The following SLC39A11 variants were observed in gnomAD, a reference collection of about 807,000 sequenced individuals.
The protein encoded by SLC39A11 is solute carrier family 39 member 11.
SLC39A11 carries 33 observed loss-of-function variants against 36.1 expected under a neutral mutation model. The observed-to-expected ratio is 0.91, with a 90% confidence interval of 0.69 to 1.22. The LOEUF is 1.22. SLC39A11 is among the 50% of genes most tolerant of loss of function. The pLI is 0.00. For synonymous variants in SLC39A11, 166 were observed against 170.3 expected, an observed-to-expected ratio of 0.97 and a Z score of 0.20; for missense variants, 432 against 430.3, an observed-to-expected ratio of 1.00 and a Z score of -0.03.
At chr17:72,681,866 G>A (rs559039202) in intron 7 of SLC39A11, among the ~76,000 whole-genome samples, 2 of 152,174 alleles carry the variant, frequency 1.3e-5, no homozygotes, top group South Asian at 4.2e-4. Context: ...TTTATTGTAA[G>A]AATACAGTAT....
chr17:72,949,452 C>T (rs1452683766), intron 4 of SLC39A11, among the ~76,000 whole-genome samples: 1 of 151,940 alleles, frequency 6.6e-6, no homozygotes, highest in Non-Finnish European at 1.5e-5. Flanking sequence ...TGGGCCACTG[C>T]ACCCGGCCAG....
chr17:72,949,796 T>G (rs999973685), intron 4 of SLC39A11, among the ~76,000 whole-genome samples: 1 of 152,036 alleles, frequency 6.6e-6, no homozygotes, highest in African/African-American at 2.4e-5. Flanking sequence ...AACACAAGTT[T>G]TCATTTAAAA....
chr17:73,056,193 G>A (rs966561101), intron 3 of SLC39A11, among the ~76,000 whole-genome samples: 6 of 151,666 alleles, frequency 4.0e-5, no homozygotes, highest in African/African-American at 1.5e-4. Flanking sequence ...TTTTGAGACG[G>A]AGTCTCGCTC....
intron 5 of SLC39A11, among the ~76,000 whole-genome samples, chr17:72,860,062 G>A (rs1324793316): frequency 6.7e-6 from 1 of 148,380 alleles, no homozygotes. Context: ...AGAAAGAAAA[G>A]AAAGAGAACA....
At chr17:73,051,440 A>T (rs1418129932) in intron 3 of SLC39A11, among the ~76,000 whole-genome samples, 1 of 152,080 alleles carries the variant, frequency 6.6e-6, no homozygotes, top group East Asian at 1.9e-4. Context: ...GCAGACAGGA[A>T]TCCAGATGAC....
At chr17:72,754,051 TACACACACACACAC>T (rs58802713) in intron 6 of SLC39A11, among the ~76,000 whole-genome samples, 32 of 108,070 alleles carry the variant, frequency 3.0e-4, no homozygotes, top group East Asian at 8.5e-4. Context: ...TATATACACA[TACACACACACACAC>T]ACACACACAC....
rs1209526328 is a variant in SLC39A11 at position 72,852,572 on chromosome 17, C to CGT, written c.431-2770_431-2769dup. 3.9e-5 allele frequency among the ~76,000 whole-genome samples: 6 copies of CGT among 152,190 alleles called. No homozygotes were observed. In the South Asian group the frequency reaches 8.3e-4, roughly 21 times the overall value. ...TATCCACACCATGTGTATGCATGTA[C>CGT]GTGTGTGTGTGCATGTGTGCATGTG... On this transcript the variant is annotated intron_variant, in intron 5 of 9. Coordinates refer to ENST00000255559, the MANE Select transcript of SLC39A11 (RefSeq NM_139177.4).
intron 4 of SLC39A11, among the ~76,000 whole-genome samples, chr17:73,026,531 A>AG (rs1555683320): frequency 8.1e-4 from 122 of 150,416 alleles, no homozygotes; most frequent in African/African-American, 2.6e-3. Context: ...AAAAAAAAAA[A>AG]AAAGAAAGAA....
At chr17:72,681,508 T>C (rs1410219052) in intron 7 of SLC39A11, among the ~76,000 whole-genome samples, 2 of 152,128 alleles carry the variant, frequency 1.3e-5, no homozygotes, top group Admixed American at 6.5e-5. Context: ...AAGTCACGAA[T>C]TGCATTCTCC....
intron 3 of SLC39A11, among the ~76,000 whole-genome samples, chr17:73,069,869 T>C (rs1022220416): frequency 6.6e-6 from 1 of 152,162 alleles, no homozygotes; most frequent in African/African-American, 2.4e-5. Context: ...TTAGATCAGA[T>C]AAGTTTCTAA....
chr17:73,052,211 T>C (rs915323226), intron 3 of SLC39A11, among the ~76,000 whole-genome samples: 2 of 151,026 alleles, frequency 1.3e-5, no homozygotes, highest in Admixed American at 1.3e-4. Context: ...TCAGAGGGAA[T>C]CTGGAGAATC....
intron 5 of SLC39A11, among the ~76,000 whole-genome samples, chr17:72,900,092 G>GAA: frequency 3.3e-5 from 3 of 89,794 alleles, no homozygotes; most frequent in African/African-American, 1.4e-4. Context: ...GAAAGAGAAA[G>GAA]AGAAAAGAAA....
At chr17:73,027,067 A>G (rs1459361523) in intron 4 of SLC39A11, among the ~76,000 whole-genome samples, 1 of 152,202 alleles carries the variant, frequency 6.6e-6, no homozygotes, top group African/African-American at 2.4e-5. Context: ...GGCTACAGTA[A>G]GCCGCGATCA....
At chr17:72,779,137 G>C (rs1413094712) in intron 6 of SLC39A11, among the ~76,000 whole-genome samples, 2 of 152,186 alleles carry the variant, frequency 1.3e-5, no homozygotes, top group Non-Finnish European at 2.9e-5. Flanking sequence ...CCAGTTGGCA[G>C]GATGGCCTCA....
At chr17:72,753,077 C>T (rs1037732805) in intron 6 of SLC39A11, among the ~76,000 whole-genome samples, 6 of 152,022 alleles carry the variant, frequency 3.9e-5, no homozygotes, top group Non-Finnish European at 7.4e-5. Context: ...AGGCTGGTCT[C>T]GAACTCCTGG....
At chr17:72,713,876 C>T (rs4414535) in intron 7 of SLC39A11, among the ~76,000 whole-genome samples, 19,892 of 152,070 alleles carry the variant, frequency 0.13, 1,343 homozygotes, top group East Asian at 0.17. Context: ...GACCCTGGAG[C>T]CATTCATAGG....
chr17:72,939,222 A>G (rs1366927887), intron 5 of SLC39A11, among the ~76,000 whole-genome samples: 2 of 152,218 alleles, frequency 1.3e-5, no homozygotes, highest in African/African-American at 2.4e-5. Flanking sequence ...GCACTCCGGG[A>G]GGCCGAGGTG....
chr17:72,918,098 C>A (rs985667074), intron 5 of SLC39A11, among the ~76,000 whole-genome samples: 1 of 152,204 alleles, frequency 6.6e-6, no homozygotes, highest in Non-Finnish European at 1.5e-5. Flanking sequence ...GACTCATTGT[C>A]CTTACCTGTA....
At chr17:73,067,648 AC>A (rs1229874251) in intron 3 of SLC39A11, among the ~76,000 whole-genome samples, 6 of 152,160 alleles carry the variant, frequency 3.9e-5, no homozygotes, top group African/African-American at 1.4e-4. Flanking sequence ...CAATGGGGGT[AC>A]TATAATGACC....
Sources: gnomAD v4.1 joint callset for allele counts (sites outside exome capture counted in the v4.1 genomes callset) on GRCh38, gnomAD v4.1.1 for gene constraint, MANE v1.5 for transcripts, NCBI Gene and HGNC (gene_info 2026-07-23, HGNC 2026-07-21) for gene names.